The following EYA4 variants were observed in gnomAD, a reference collection of about 807,000 sequenced individuals.
EYA4 encodes the protein EYA transcriptional coactivator and phosphatase 4.
EYA4 carries 31 observed loss-of-function variants against 87.9 expected under a neutral mutation model. The observed-to-expected ratio is 0.35, with a 90% CI of 0.27 to 0.48. The LOEUF (loss-of-function observed/expected upper bound fraction) is 0.48. EYA4 is among the 20% of genes least tolerant of loss of function. The pLI is 0.99. For missense variants in EYA4, 678 were observed against 761.4 expected, an observed-to-expected ratio of 0.89 and a Z score of 1.29; for synonymous variants, 263 against 270.6, an observed-to-expected ratio of 0.97 and a Z score of 0.28.
chr6:133,525,012 C>T (rs1583566853), intron 18 of EYA4, 142 bp from the exon 19 acceptor site: 1 of 1,612,474 alleles, frequency 6.2e-7, no homozygotes, highest in Non-Finnish European at 8.5e-7. Flanking sequence ...CATTGTTTTT[C>T]AGGCAAGGAA....
rs551500746 is a variant in EYA4 at position 133,495,352 on chromosome 6, ATATT to A, written c.1192-10742_1192-10739del. On this transcript the variant is annotated intron_variant, in intron 13 of 19. Coordinates refer to ENST00000355286, the MANE Select transcript of EYA4 (RefSeq NM_004100.5). ...CAAAAATAAAAAATACTACAGAGAT[ATATT>A]TATTTATTTATAAATAAATATAAAT... Among the ~76,000 whole-genome samples the A allele has an allele frequency of 2.6e-3, 385 of 148,928 alleles. 2 individuals carry two copies. Among genetic ancestry groups the A allele is most frequent in the African/African-American group, 8.5e-3 (347 of 40,812 alleles).
At chr6:133,302,603 GA>G (rs1779498583) in intron 2 of EYA4, among the ~76,000 whole-genome samples, 1 of 152,072 alleles carries the variant, frequency 6.6e-6, no homozygotes, top group African/African-American at 2.4e-5. Flanking sequence ...AGACTTTTAA[GA>G]AAATATATAC....
intron 3 of EYA4, among the ~76,000 whole-genome samples, chr6:133,441,005 A>G (rs1051300544): frequency 3.3e-5 from 5 of 151,852 alleles, no homozygotes; most frequent in African/African-American, 1.2e-4. Flanking sequence ...TCTTTTTCCT[A>G]TTTGATGTTT....
intron 1 of EYA4, among the ~76,000 whole-genome samples, chr6:133,253,795 A>C (rs1052915003): frequency 6.6e-6 from 1 of 152,050 alleles, no homozygotes; most frequent in Non-Finnish European, 1.5e-5. Flanking sequence ...TGTTAATATA[A>C]CAGCAGATTG....
At position 133,481,630 on chromosome 6, in the gene EYA4, G is replaced by A. The variant is rs989222466; in HGVS notation, c.1107+31G>A. 2.5e-6 allele frequency: 4 copies of A among 1,609,292 alleles called. No homozygotes were observed. In the African/African-American group the frequency reaches 4.0e-5, roughly 16 times the overall value. On this transcript the variant is annotated intron_variant, in intron 12 of 19. Transcript: ENST00000355286. ...CCTACTCATTCTTAAAGATTGTAGT[G>A]TGATGCTTTATTTTACCGAATGATA... is the stretch of plus-strand genomic sequence containing the variant.
chr6:133,417,522 G>A (rs936058953), intron 3 of EYA4, among the ~76,000 whole-genome samples: 1 of 152,084 alleles, frequency 6.6e-6, no homozygotes, highest in African/African-American at 2.4e-5. Context: ...AAACTCATAG[G>A]ACTTGTGATG....
intron 3 of EYA4, among the ~76,000 whole-genome samples, chr6:133,424,630 C>CTGGCTTTTTA (rs1583239950): frequency 6.6e-6 from 1 of 151,582 alleles, no homozygotes; most frequent in South Asian, 2.1e-4. Flanking sequence ...AAGCTCCCAC[C>CTGGCTTTTTA]CTGCCAACTT....
intron 2 of EYA4, among the ~76,000 whole-genome samples, chr6:133,295,986 C>T (rs1404171804): frequency 3.9e-5 from 6 of 152,064 alleles, no homozygotes; most frequent in Admixed American, 2.0e-4. Flanking sequence ...GTAACAGGAT[C>T]GAAAGTGATG....
chr6:133,332,902 C>G (rs530324950), intron 2 of EYA4, among the ~76,000 whole-genome samples: 1 of 152,074 alleles, frequency 6.6e-6, no homozygotes, highest in Non-Finnish European at 1.5e-5. Flanking sequence ...AGTTCAGTTT[C>G]TGCTGCTTTC....
intron 3 of EYA4, among the ~76,000 whole-genome samples, chr6:133,383,307 G>A (rs1156549988): frequency 2.0e-5 from 3 of 151,998 alleles, no homozygotes; most frequent in Admixed American, 2.0e-4. Context: ...CTGAGGTCAG[G>A]AGTTCAAGAC....
At chr6:133,325,559 G>A (rs1781435917) in intron 2 of EYA4, 1 of 152,116 alleles carries the variant, frequency 6.6e-6, no homozygotes, top group Non-Finnish European at 1.5e-5. Context: ...GATCAGGATG[G>A]GTTAGCTGTC....
At chr6:133,447,119 C>G (rs1792925767) in intron 4 of EYA4, among the ~76,000 whole-genome samples, 1 of 152,028 alleles carries the variant, frequency 6.6e-6, no homozygotes, top group African/African-American at 2.4e-5. Flanking sequence ...ACACTTACTA[C>G]TTTTTGGTTT....
intron 1 of EYA4, among the ~76,000 whole-genome samples, chr6:133,259,910 G>A (rs1345744950): frequency 6.6e-6 from 1 of 152,010 alleles, no homozygotes; most frequent in Non-Finnish European, 1.5e-5. Context: ...TCTTTTATGG[G>A]GATGGGCACA....
chr6:133,299,642 G>T (rs894227385), intron 2 of EYA4, among the ~76,000 whole-genome samples: 78 of 151,718 alleles, frequency 5.1e-4, no homozygotes, highest in African/African-American at 1.7e-3. Context: ...AACCCGGGAG[G>T]CGGAGCTTGT....
chr6:133,399,029 C>T lies in EYA4; in HGVS notation c.83+16588C>T, dbSNP rs564018268. 3.3e-5 allele frequency among the ~76,000 whole-genome samples: 5 copies of T among 152,250 alleles called. No homozygotes were observed. The South Asian group carries it at 1.0e-3, about 32-fold the overall frequency. ...CATCTTTTAGCTAAATATATGCCTT[C>T]CCATGTCTGCGGACTTTTCCTCTCT... On this transcript the variant is annotated intron_variant, in intron 3 of 19. Transcript: ENST00000355286.
chr6:133,500,681 C>A (rs1798039765), intron 13 of EYA4, among the ~76,000 whole-genome samples: 1 of 152,176 alleles, frequency 6.6e-6, no homozygotes, highest in South Asian at 2.1e-4. Context: ...ACCTCTCTTG[C>A]ACCCTGGTTC....
At chr6:133,455,748 T>C (rs1294699663) in intron 5 of EYA4, among the ~76,000 whole-genome samples, 1 of 152,154 alleles carries the variant, frequency 6.6e-6, no homozygotes, top group Non-Finnish European at 1.5e-5. Context: ...ATGATATATG[T>C]AGTAAAGCCT....
chr6:133,447,977 C>T, intron 4 of EYA4, 134 bp from the exon 5 acceptor site: 1 of 710,452 alleles, frequency 1.4e-6, no homozygotes, highest in Non-Finnish European at 2.6e-6. Flanking sequence ...ACCTGATAAA[C>T]TAAAATGTTG....
intron 11 of EYA4, 71 bp downstream of exon 11, chr6:133,468,802 AT>A: frequency 6.7e-7 from 1 of 1,499,518 alleles, no homozygotes; most frequent in Non-Finnish European, 9.3e-7. Flanking sequence ...GAAAGTGGAC[AT>A]TCCAAAAACA....
Sources: allele counts gnomAD v4.1 joint callset (sites outside exome capture counted in the v4.1 genomes callset), GRCh38; gene constraint gnomAD v4.1.1; transcripts MANE v1.5; gene names NCBI Gene and HGNC (gene_info 2026-07-23, HGNC 2026-07-21).